CDYL2: variants seen among roughly 807,000 people sequenced by gnomAD.
CDYL2 encodes chromodomain Y-like protein 2.
Under a neutral mutation model 49.4 loss-of-function variants are expected in CDYL2, and 23 were observed. The observed-to-expected ratio is 0.47, with a 90% CI of 0.34 to 0.66. CDYL2 has a LOEUF of 0.66. CDYL2 is among the 30% of genes least tolerant of loss of function. The pLI is 0.01. For synonymous variants in CDYL2, 360 were observed against 268.8 expected, an observed-to-expected ratio of 1.34 and a Z score of -3.32; for missense variants, 678 against 656.4, an observed-to-expected ratio of 1.03 and a Z score of -0.36.
chr16:80,710,631 GA>G (rs1257617906), intron 1 of CDYL2, among the ~76,000 whole-genome samples: 3 of 152,266 alleles, frequency 2.0e-5, no homozygotes, highest in African/African-American at 7.2e-5. Flanking sequence ...TTAACTGTAT[GA>G]AAACAAGGAC....
chr16:80,617,308 G>A (rs1335793183), intron 4 of CDYL2, among the ~76,000 whole-genome samples: 5 of 152,204 alleles, frequency 3.3e-5, no homozygotes, highest in African/African-American at 1.2e-4. Flanking sequence ...TACCAGGAGC[G>A]TGTCCCAAGA....
chr16:80,608,675 G>A (rs552468243), intron 5 of CDYL2, among the ~76,000 whole-genome samples: 4 of 152,286 alleles, frequency 2.6e-5, no homozygotes, highest in Admixed American at 6.5e-5. Context: ...TGCAGGTGTG[G>A]TGGAAAAGTC....
chr16:80,780,025 T>TG (rs1481753978), intron 1 of CDYL2, among the ~76,000 whole-genome samples: 2 of 152,178 alleles, frequency 1.3e-5, no homozygotes, highest in African/African-American at 4.8e-5. Context: ...TGAACACCTA[T>TG]GACTGTATCT....
chr16:80,607,175 C>T (rs1175566146), intron 6 of CDYL2, among the ~76,000 whole-genome samples: 1 of 152,132 alleles, frequency 6.6e-6, no homozygotes, highest in Non-Finnish European at 1.5e-5. Context: ...TGGAGACCGC[C>T]ACCCCCCACC....
chr16:80,768,480 A>C (rs986017812), intron 1 of CDYL2, among the ~76,000 whole-genome samples: 6 of 152,238 alleles, frequency 3.9e-5, no homozygotes, highest in Non-Finnish European at 7.3e-5. Context: ...TGGGAAGTCC[A>C]AGATCAAGGC....
intron 5 of CDYL2, among the ~76,000 whole-genome samples, chr16:80,610,741 G>A (rs1035876432): frequency 3.3e-5 from 5 of 152,138 alleles, no homozygotes; most frequent in Admixed American, 3.3e-4. Flanking sequence ...AGCACACTTT[G>A]CAGGGCCGGG....
chr16:80,699,825 G>A (rs1904291605), intron 1 of CDYL2, among the ~76,000 whole-genome samples: 1 of 151,742 alleles, frequency 6.6e-6, no homozygotes, highest in East Asian at 1.9e-4. Context: ...TTAAAAGGTT[G>A]AAAGGTATGT....
Position 80,665,650 on chromosome 16 carries a change from A to T in CDYL2, c.616+18888T>A, listed in dbSNP as rs527846907. Reference sequence around the variant, plus strand: ...AACTCAGGACAGACCCTCTTTCTGCAAGGGTGGTGAAGTGGGAGGGAATCG... The same window carrying T: ...AACTCAGGACAGACCCTCTTTCTGCTAGGGTGGTGAAGTGGGAGGGAATCG... On this transcript the variant is annotated intron_variant, in intron 2 of 6. Transcript: ENST00000570137. Among the ~76,000 whole-genome samples the T allele has an allele frequency of 8.4e-4, 128 of 152,214 alleles. 2 individuals carry two copies. Among genetic ancestry groups the T allele is most frequent in the Non-Finnish European group, 1.5e-3 (102 of 67,998 alleles).
At chr16:80,799,368 G>A (rs983287093) in intron 1 of CDYL2, among the ~76,000 whole-genome samples, 8 of 152,078 alleles carry the variant, frequency 5.3e-5, no homozygotes, top group East Asian at 1.9e-4. Flanking sequence ...CCACTGTACC[G>A]TAAAATACTT....
At chr16:80,791,239 A>T (rs1189770630) in intron 1 of CDYL2, among the ~76,000 whole-genome samples, 1 of 152,248 alleles carries the variant, frequency 6.6e-6, no homozygotes, top group African/African-American at 2.4e-5. Context: ...ACATTCAAGA[A>T]TTAAGGAAAA....
chr16:80,649,224 G>A (rs529769290), intron 2 of CDYL2, among the ~76,000 whole-genome samples: 6 of 152,206 alleles, frequency 3.9e-5, no homozygotes, highest in African/African-American at 1.2e-4. Flanking sequence ...ATGATATGAT[G>A]TTATATTGGG....
intron 1 of CDYL2, among the ~76,000 whole-genome samples, chr16:80,791,741 C>A (rs1227962407): frequency 6.6e-6 from 1 of 152,130 alleles, no homozygotes; most frequent in African/African-American, 2.4e-5. Context: ...TGAATACATG[C>A]TGTAACCAGA....
At position 80,768,795 on chromosome 16, in the gene CDYL2, T is replaced by C. The variant is rs374214451; in HGVS notation, c.24+35355A>G. 6.6e-5 allele frequency among the ~76,000 whole-genome samples: 10 copies of C among 152,328 alleles called. No homozygotes were observed. In the East Asian group the frequency reaches 1.9e-3, roughly 29 times the overall value. ...CTGCCTCCTCCATGCTGTACTAGCTTTGTAACTTAGTTTTTCAGTCTTTCA... is the reference window on the plus strand; with the variant it reads ...CTGCCTCCTCCATGCTGTACTAGCTCTGTAACTTAGTTTTTCAGTCTTTCA... On this transcript the variant is annotated intron_variant, in intron 1 of 6. Coordinates refer to ENST00000570137, the MANE Select transcript of CDYL2 (RefSeq NM_152342.4).
At chr16:80,629,406 G>C (rs1387577815) in intron 3 of CDYL2, among the ~76,000 whole-genome samples, 2 of 152,214 alleles carry the variant, frequency 1.3e-5, no homozygotes, top group African/African-American at 4.8e-5. Flanking sequence ...CCTTGAGACA[G>C]GTTTGCACAT....
chr16:80,732,677 T>C (rs1905371799), intron 1 of CDYL2, among the ~76,000 whole-genome samples: 1 of 152,210 alleles, frequency 6.6e-6, no homozygotes, highest in Non-Finnish European at 1.5e-5. Context: ...AATAACTAAG[T>C]AGATTAATGT....
At chr16:80,718,710 T>C (rs1389449017) in intron 1 of CDYL2, among the ~76,000 whole-genome samples, 11 of 152,088 alleles carry the variant, frequency 7.2e-5, no homozygotes, top group Admixed American at 7.2e-4. Context: ...GTAGGTGGTG[T>C]CCCAACAGAC....
Position 80,701,723 on chromosome 16 carries a change from A to C in CDYL2, c.25-16594T>G, listed in dbSNP as rs184925814. Among the ~76,000 whole-genome samples the C allele has an allele frequency of 2.0e-5, 3 of 152,368 alleles. No individual in the cohort carries two copies. The East Asian group carries it at 5.8e-4, about 29-fold the overall frequency. Reference sequence around the variant, plus strand: ...ACATATTAAAAGTTGGTTTGCAACAAACTGATCGATAAATGTAACGCAGTT... The same window carrying C: ...ACATATTAAAAGTTGGTTTGCAACACACTGATCGATAAATGTAACGCAGTT... On this transcript the variant is annotated intron_variant, in intron 1 of 6. Transcript: ENST00000570137.
At chr16:80,653,664 A>G in intron 2 of CDYL2, among the ~76,000 whole-genome samples, 1 of 152,228 alleles carries the variant, frequency 6.6e-6, no homozygotes, top group Admixed American at 6.5e-5. Context: ...TGGGGTCTCC[A>G]ATTCCTCAAG....
At chr16:80,751,604 C>T (rs529298683) in intron 1 of CDYL2, among the ~76,000 whole-genome samples, 1 of 152,280 alleles carries the variant, frequency 6.6e-6, no homozygotes, top group South Asian at 2.1e-4. Flanking sequence ...ACACTATGCA[C>T]GTGTTTTTCC....
Sources: gnomAD v4.1 joint callset for allele counts (sites outside exome capture counted in the v4.1 genomes callset) on GRCh38, gnomAD v4.1.1 for gene constraint, MANE v1.5 for transcripts, NCBI Gene and HGNC (gene_info 2026-07-23, HGNC 2026-07-21) for gene names.